Variants in SYN1 observed in about 807,000 individuals in gnomAD.
SYN1 encodes synapsin-1.
In SYN1, 8 loss-of-function variants were observed where a neutral mutation model predicts 44.6. The observed-to-expected ratio is 0.18, with a 90% CI of 0.11 to 0.32. SYN1 has a LOEUF of 0.32. Ranked by LOEUF, SYN1 falls within the 10% of genes least tolerant of loss-of-function variation. SYN1 has a pLI of 1.00. For missense variants in SYN1, 451 were observed against 639.4 expected (o/e 0.71, Z 3.18); for synonymous variants, 275 against 280.1 (o/e 0.98, Z 0.18).
At chrX:47,583,551 C>T in intron 5 of SYN1, 1 of 1,180,793 alleles carries the variant, frequency 8.5e-7, no homozygotes, top group Non-Finnish European at 1.1e-6. Context: ...GTCCTCACCC[C>T]ACTCAGCCCA....
chrX:47,609,626 C>A (rs1387664352), intron 1 of SYN1, among the ~76,000 whole-genome samples: 1 of 112,310 alleles, frequency 8.9e-6, no homozygotes. Flanking sequence ...TGGTCTAATG[C>A]AATTCTGGAG....
intron 5 of SYN1, among the ~76,000 whole-genome samples, chrX:47,600,179 C>G (rs774729529): frequency 9.0e-6 from 1 of 110,606 alleles, no homozygotes; most frequent in East Asian, 2.8e-4. Flanking sequence ...GGTAAAACAA[C>G]TAGACAGGGA....
chrX:47,572,756 G>A lies in SYN1; in HGVS notation c.*108C>T. 9.0e-7 allele frequency: 1 copy of A among 1,109,829 alleles called. No homozygotes were observed. The highest frequency in any genetic ancestry group is 1.9e-5 in the South Asian group (1 of 52,910). 91.5% of individuals were successfully genotyped at this position (1,109,829 alleles called of 1,213,427 possible). On this transcript the variant is annotated 3_prime_UTR_variant, in exon 13 of 13. Coordinates refer to ENST00000295987, the MANE Select transcript of SYN1 (RefSeq NM_006950.3). ...GAGGAATGAGAGGTGGAATCTTGGA[G>A]AACCGGGAGATGGGTTCTCAAGGGA... is the stretch of plus-strand genomic sequence containing the variant.
chrX:47,585,767 T>C, intron 5 of SYN1: 1 of 1,167,985 alleles, frequency 8.6e-7, no homozygotes, highest in South Asian at 1.9e-5. Flanking sequence ...TCTGTGTCCC[T>C]GTGGCTGCTC....
intron 5 of SYN1, chrX:47,583,628 T>G (rs1056366020): frequency 4.0e-5 from 40 of 998,853 alleles, no homozygotes; most frequent in Non-Finnish European, 5.2e-5. Context: ...CTAGAATGAT[T>G]CCACTCGCCC....
intron 12 of SYN1, 117 bp downstream of exon 12, chrX:47,573,885 C>T (rs2057768101): frequency 2.9e-6 from 2 of 681,606 alleles, no homozygotes; most frequent in South Asian, 4.6e-5. Flanking sequence ...GGAGAGAGTT[C>T]GTGGGACCCC....
intron 3 of SYN1, 144 bp downstream of exon 3, chrX:47,606,801 T>G: frequency 1.9e-6 from 1 of 524,986 alleles, no homozygotes; most frequent in Non-Finnish European, 3.2e-6. Context: ...TGGCTCTTTT[T>G]CTGAAGAAAA....
At position 47,572,621 on chromosome X, in the gene SYN1, G is replaced by C; in HGVS notation, c.*243C>G. 1 of 380,130 alleles carries C rather than the reference G, an allele frequency of 2.6e-6. No homozygotes were observed. Among genetic ancestry groups the C allele is most frequent in the Non-Finnish European group, 4.6e-6 (1 of 217,591 alleles). The allele number at this position is 380,130 out of a possible 1,213,427, so 31.3% of individuals were successfully genotyped here. On this transcript the variant is annotated 3_prime_UTR_variant, in exon 13 of 13. Transcript: ENST00000295987. ...ATGTGGAGGTTCTAAAACAGAAGTA[G>C]ATCCTGAAGTGACCACGAGTGGGGT...
At chrX:47,597,381 C>T (rs1440168585) in intron 5 of SYN1, among the ~76,000 whole-genome samples, 1 of 104,276 alleles carries the variant, frequency 9.6e-6, no homozygotes. Context: ...AGCATAATAA[C>T]TGAAATGAAA....
intron 5 of SYN1, among the ~76,000 whole-genome samples, chrX:47,601,224 TTATAAGAGAG>T (rs1162657886): frequency 9.0e-6 from 1 of 111,578 alleles, no homozygotes; most frequent in African/African-American, 3.2e-5. Flanking sequence ...ATAAAAAGTA[TTATAAGAGAG>T]TATAAGAGAG....
At chrX:47,590,885 GTTTTA>G (rs780643456) in intron 5 of SYN1, among the ~76,000 whole-genome samples, 18 of 111,645 alleles carry the variant, frequency 1.6e-4, no homozygotes, top group South Asian at 3.7e-4. Context: ...TTTGTAAAAT[GTTTTA>G]TTTTATTTTA....
In SYN1 at chrX:47,592,869, C is replaced by T. The variant is rs145735354; in HGVS notation, c.774+12109G>A. ...TTGATTTCATATGCTGCTGTTACTGCATTCTTTTTTATTTTTATTTTTTGA... is the reference window on the plus strand; with the variant it reads ...TTGATTTCATATGCTGCTGTTACTGTATTCTTTTTTATTTTTATTTTTTGA... On this transcript the variant is annotated intron_variant, in intron 5 of 12. Coordinates refer to ENST00000295987, the MANE Select transcript of SYN1 (RefSeq NM_006950.3). 2.6e-3 allele frequency among the ~76,000 whole-genome samples: 292 copies of T among 111,192 alleles called. 1 individual carries two copies. The highest frequency in any genetic ancestry group is 9.4e-3 in the African/African-American group (288 of 30,624).
chrX:47,593,158 G>T (rs2057853430), intron 5 of SYN1, among the ~76,000 whole-genome samples: 1 of 109,610 alleles, frequency 9.1e-6, no homozygotes, highest in South Asian at 3.9e-4. Context: ...GCCTCCCAAA[G>T]TGTTGGGATT....
intron 1 of SYN1, among the ~76,000 whole-genome samples, chrX:47,616,530 T>C (rs188331527): frequency 7.4e-4 from 83 of 111,536 alleles, no homozygotes; most frequent in African/African-American, 2.6e-3. Context: ...GGAGGGTGAT[T>C]ACCTATATCC....
rs200788868 is a variant in SYN1 at position 47,603,357 on chromosome X, G to A, written c.774+1621C>T. On this transcript the variant is annotated intron_variant, in intron 5 of 12. Transcript: ENST00000295987. The stretch of plus-strand genomic sequence containing the variant: ...GACTACAGGTGTATGCCACCATGCC[G>A]GGCTGATTTTTAAATTTTTTGTAGA... Among the ~76,000 whole-genome samples the A allele has an allele frequency of 2.8e-4, 31 of 110,595 alleles. 1 individual carries two copies. Among genetic ancestry groups the A allele is most frequent in the African/African-American group, 7.6e-4 (23 of 30,350 alleles).
intron 5 of SYN1, among the ~76,000 whole-genome samples, chrX:47,598,174 C>T (rs2147924877): frequency 8.9e-6 from 1 of 112,096 alleles, no homozygotes; most frequent in South Asian, 3.6e-4. Context: ...CACTTTTTTA[C>T]TCCTGATTTA....
intron 5 of SYN1, chrX:47,587,417 CTGTT>C (rs749139128): frequency 8.8e-6 from 1 of 113,642 alleles, no homozygotes; most frequent in African/African-American, 3.2e-5. Context: ...TTGGAAGGGA[CTGTT>C]TGGGGCAGAG....
chrX:47,574,867 G>T, intron 10 of SYN1, 92 bp from the exon 11 acceptor site: 1 of 922,052 alleles, frequency 1.1e-6, no homozygotes, highest in Non-Finnish European at 1.5e-6. Flanking sequence ...TGTGCGCTGG[G>T]TGTTGCCCCA....
chrX:47,608,524 G>A (rs1004669515), intron 1 of SYN1, among the ~76,000 whole-genome samples: 11 of 111,225 alleles, frequency 9.9e-5, no homozygotes, highest in African/African-American at 2.9e-4. Flanking sequence ...AGCTGCATCC[G>A]ATAAGGAGGA....
Sources: gnomAD v4.1 joint callset for allele counts (sites outside exome capture counted in the v4.1 genomes callset) on GRCh38, gnomAD v4.1.1 for gene constraint, MANE v1.5 for transcripts, NCBI Gene and HGNC (gene_info 2026-07-23, HGNC 2026-07-21) for gene names.